Variants in ATIC observed in about 807,000 individuals in gnomAD.
The protein encoded by ATIC is 5-aminoimidazole-4-carboxamide ribonucleotide formyltransferase/IMP cyclohydrolase, also known as bifunctional purine biosynthesis protein ATIC.
A neutral mutation model predicts 72.5 loss-of-function variants in ATIC; 64 were observed. The ratio of observed to expected loss-of-function variants is 0.88; its 90% CI spans 0.72 to 1.09. The LOEUF (loss-of-function observed/expected upper bound fraction) is 1.09, where lower values mean the gene tolerates loss of function less well. ATIC is among the 50% of genes least tolerant of loss of function. ATIC has a pLI of 0.00. For missense variants in ATIC, 787 were observed against 732.4 expected, an observed-to-expected ratio of 1.07 and a Z score of -0.86; for synonymous variants, 281 against 267.1, an observed-to-expected ratio of 1.05 and a Z score of -0.51.
At chr2:215,368,260 T>G in the ATIC span, among the ~76,000 whole-genome samples, 1 of 152,212 alleles carries the variant, frequency 6.6e-6, no homozygotes, top group East Asian at 1.9e-4. Flanking sequence ...TTTCCCTTGC[T>G]TCTAAGATAA....
chr2:215,364,326 G>T, the ATIC span: 2 of 23,186 alleles, frequency 8.6e-5, no homozygotes, highest in Non-Finnish European at 1.5e-4. Context: ...ATTTAACAAC[G>T]TTGCCATGGG....
chr2:215,349,328 T>C (rs2106048380), intron 15 of ATIC, 79 bp downstream of exon 15: 1 of 1,603,766 alleles, frequency 6.2e-7, no homozygotes, highest in Non-Finnish European at 8.5e-7. Flanking sequence ...TTTTGATTTT[T>C]AAAAGGTGTG....
downstream of ATIC, chr2:215,349,775 T>G (rs1267957317): frequency 8.1e-5 from 125 of 1,549,256 alleles, 1 homozygote; most frequent in Non-Finnish European, 3.6e-6. Context: ...TCCATAGTTT[T>G]TGGTAGTTGT....
chr2:215,335,975 T>G (rs761886729), intron 10 of ATIC, 60 bp from the exon 11 acceptor site: 1 of 1,355,710 alleles, frequency 7.4e-7, no homozygotes, highest in Admixed American at 1.8e-5. Flanking sequence ...GCTGCTAGAT[T>G]TTTTTAAGAG....
intron 4 of ATIC, among the ~76,000 whole-genome samples, chr2:215,322,316 G>T (rs2052776521): frequency 6.8e-6 from 1 of 147,394 alleles, no homozygotes; most frequent in Non-Finnish European, 1.5e-5. Flanking sequence ...AGATTTTTGT[G>T]TATATTTTCT....
rs756052816 is a variant in ATIC at position 215,318,160 on chromosome 2, T to C, written c.150T>C (p.Asp50=). 3 of 1,613,606 alleles carry C rather than the reference T, an allele frequency of 1.9e-6. No homozygotes were observed. The highest frequency in any genetic ancestry group is 1.7e-5 in the Admixed American group (1 of 60,028). ...ATTCTGTTTATCTGTTTTTCAGAGA[T>C]GTCTCTGAGTTGACGGGATTTCCTG... ...ALRDAGLAVR[D]VSELTGFPEM... The change falls in exon 3 of 16, where the codon GAT becomes GAC. Residue 50 remains aspartate, a synonymous_variant. Coordinates refer to ENST00000236959, the MANE Select transcript of ATIC (RefSeq NM_004044.7).
chr2:215,338,951 G>C, intron 12 of ATIC, 44 bp downstream of exon 12: 3 of 1,608,008 alleles, frequency 1.9e-6, no homozygotes, highest in Non-Finnish European at 2.6e-6. Context: ...AACTTCCATT[G>C]GTCTGTTTTC....
the ATIC span, among the ~76,000 whole-genome samples, chr2:215,357,052 G>C: frequency 6.6e-6 from 1 of 152,208 alleles, no homozygotes. Flanking sequence ...CACCAGCGAT[G>C]AATGAGGGTT....
chr2:215,352,723 A>T (rs1559283077), downstream of ATIC, among the ~76,000 whole-genome samples: 2 of 150,934 alleles, frequency 1.3e-5, no homozygotes, highest in African/African-American at 4.9e-5. Flanking sequence ...CCAATGGCTA[A>T]TTTTTTTTTT....
At chr2:215,313,890 T>C (rs530623225) in intron 2 of ATIC, among the ~76,000 whole-genome samples, 3 of 152,328 alleles carry the variant, frequency 2.0e-5, no homozygotes, top group Admixed American at 1.3e-4. Flanking sequence ...AGCAACCGAA[T>C]GAGAATTCAA....
chr2:215,361,619 T>C, the ATIC span: 1 of 1,610,732 alleles, frequency 6.2e-7, no homozygotes, highest in South Asian at 1.1e-5. Flanking sequence ...AATTGGGCAA[T>C]TAACATTCTG....
chr2:215,361,924 A>C, the ATIC span: 3 of 1,604,730 alleles, frequency 1.9e-6, no homozygotes, highest in South Asian at 3.3e-5. Context: ...GTAGAAAGAG[A>C]CTGTCTAGTA....
intron 13 of ATIC, chr2:215,345,266 A>G (rs2053059945): frequency 3.3e-6 from 1 of 299,696 alleles, no homozygotes; most frequent in Non-Finnish European, 6.5e-6. Context: ...GTATTTTCAC[A>G]TTATTTCTTA....
At chr2:215,315,420 A>G (rs1381408754) in intron 2 of ATIC, among the ~76,000 whole-genome samples, 1 of 152,124 alleles carries the variant, frequency 6.6e-6, no homozygotes, top group African/African-American at 2.4e-5. Context: ...GCAGTGGCAC[A>G]ATCATGGCTA....
At chr2:215,327,097 C>A in intron 7 of ATIC, 119 bp downstream of exon 7, 1 of 1,487,248 alleles carries the variant, frequency 6.7e-7, no homozygotes, top group Non-Finnish European at 9.3e-7. Context: ...CCTCCTGTAG[C>A]CATCTGATAA....
At chr2:215,349,468 A>G (rs939360549) in intron 15 of ATIC, 68 bp from the exon 16 acceptor site, 1 of 1,611,494 alleles carries the variant, frequency 6.2e-7, no homozygotes, top group Admixed American at 1.7e-5. Flanking sequence ...TGCTTTTTAG[A>G]GGGGGATTTT....
intron 7 of ATIC, 93 bp from the exon 8 acceptor site, chr2:215,332,289 A>T: frequency 6.5e-7 from 1 of 1,544,150 alleles, no homozygotes; most frequent in Admixed American, 1.7e-5. Context: ...TACTTAAAAC[A>T]TTTGTTTAGT....
intron 10 of ATIC, 52 bp downstream of exon 10, chr2:215,335,056 G>A: frequency 7.7e-7 from 1 of 1,305,962 alleles, no homozygotes; most frequent in Non-Finnish European, 1.1e-6. Context: ...AGCTTTATTT[G>A]TTCATAATGT....
At chr2:215,359,733 G>T in the ATIC span, among the ~76,000 whole-genome samples, 1 of 137,096 alleles carries the variant, frequency 7.3e-6, no homozygotes, top group East Asian at 4.0e-4. Context: ...ATGGGAGTTA[G>T]TATTTTTTTT....
Sources: allele counts gnomAD v4.1 joint callset (sites outside exome capture counted in the v4.1 genomes callset), GRCh38; gene constraint gnomAD v4.1.1; transcripts MANE v1.5; gene names NCBI Gene and HGNC (gene_info 2026-07-23, HGNC 2026-07-21).